SAMTOR: variants seen among roughly 807,000 people sequenced by gnomAD.
SAMTOR encodes the protein S-adenosylmethionine sensor upstream of mTORC1.
the SAMTOR span, chr7:112,939,366 C>G: frequency 1.6e-6 from 1 of 623,640 alleles, no homozygotes; most frequent in South Asian, 2.0e-5. Context: ...AATTCCTTTA[C>G]AGGCCTAGAA....
the SAMTOR span, among the ~76,000 whole-genome samples, chr7:112,910,254 T>C: frequency 6.6e-6 from 1 of 152,180 alleles, no homozygotes; most frequent in Non-Finnish European, 1.5e-5. Flanking sequence ...CCCGTTGTCC[T>C]AACTGTAATT....
At chr7:112,890,468 GA>G in the SAMTOR span, among the ~76,000 whole-genome samples, 1,615 of 151,820 alleles carry the variant, frequency 0.011, 31 homozygotes, top group African/African-American at 0.037. Context: ...GCTTGTAGGG[GA>G]AAAAAATCCA....
chr7:112,879,427 T>C, the SAMTOR span, among the ~76,000 whole-genome samples: 1 of 151,882 alleles, frequency 6.6e-6, no homozygotes, highest in Admixed American at 6.6e-5. Flanking sequence ...AAAAACAGGT[T>C]TTTATAGCAC....
the SAMTOR span, among the ~76,000 whole-genome samples, chr7:112,898,938 C>G: frequency 6.6e-6 from 1 of 152,174 alleles, no homozygotes; most frequent in Non-Finnish European, 1.5e-5. Flanking sequence ...TAGATAAACT[C>G]TGAATGCTTA....
the SAMTOR span, among the ~76,000 whole-genome samples, chr7:112,833,078 C>T: frequency 6.6e-6 from 1 of 152,090 alleles, no homozygotes; most frequent in African/African-American, 2.4e-5. Flanking sequence ...GCCTGGCTCC[C>T]CCACCCCCAA....
At chr7:112,884,381 C>T in the SAMTOR span, among the ~76,000 whole-genome samples, 1 of 152,174 alleles carries the variant, frequency 6.6e-6, no homozygotes, top group African/African-American at 2.4e-5. Flanking sequence ...TCCAAGGTCT[C>T]ATCTGAGACA....
the SAMTOR span, chr7:112,895,530 A>C: frequency 7.0e-7 from 1 of 1,420,144 alleles, no homozygotes. Context: ...ACATTAATAC[A>C]GTTATCCAGG....
At chr7:112,837,135 G>A in the SAMTOR span, among the ~76,000 whole-genome samples, 3 of 151,786 alleles carry the variant, frequency 2.0e-5, no homozygotes, top group Non-Finnish European at 4.4e-5. Context: ...TGCAATTCTT[G>A]TTGCAGAGAT....
chr7:112,934,333 G>A, the SAMTOR span, among the ~76,000 whole-genome samples: 1 of 152,132 alleles, frequency 6.6e-6, no homozygotes, highest in Non-Finnish European at 1.5e-5. Context: ...AACTTCCAAA[G>A]GATAGATTGC....
chr7:112,923,983 A>C, the SAMTOR span, among the ~76,000 whole-genome samples: 39 of 151,520 alleles, frequency 2.6e-4, no homozygotes, highest in African/African-American at 8.7e-4. Flanking sequence ...CATAGGTGGG[A>C]ATTGAATAAT....
At chr7:112,934,458 C>T in the SAMTOR span, among the ~76,000 whole-genome samples, 2 of 152,208 alleles carry the variant, frequency 1.3e-5, no homozygotes, top group Non-Finnish European at 2.9e-5. Flanking sequence ...TCTACATTTT[C>T]CCGGGAAAGA....
the SAMTOR span, among the ~76,000 whole-genome samples, chr7:112,863,593 AAAC>A: frequency 6.6e-6 from 1 of 152,340 alleles, no homozygotes; most frequent in East Asian, 1.9e-4. Flanking sequence ...ACAAGAAAAA[AAAC>A]AACTCCATTA....
At chr7:112,936,111 A>G in the SAMTOR span, among the ~76,000 whole-genome samples, 2 of 152,230 alleles carry the variant, frequency 1.3e-5, no homozygotes, top group African/African-American at 4.8e-5. Flanking sequence ...CAAAGACAGA[A>G]AACACCTATA....
the SAMTOR span, among the ~76,000 whole-genome samples, chr7:112,928,311 G>A: frequency 7.4e-3 from 1,124 of 151,938 alleles, 14 homozygotes; most frequent in African/African-American, 0.021. Flanking sequence ...CCTGCCATCT[G>A]GTACAGCATT....
chr7:112,895,419 A>T, the SAMTOR span: 1 of 513,472 alleles, frequency 1.9e-6, no homozygotes, highest in Non-Finnish European at 3.2e-6. Context: ...GCTAGTTTTT[A>T]ATCTAATAAT....
chr7:112,893,541 A>G, the SAMTOR span, among the ~76,000 whole-genome samples: 1 of 152,212 alleles, frequency 6.6e-6, no homozygotes, highest in Non-Finnish European at 1.5e-5. Context: ...GGTTGGTTTC[A>G]TCTTGTATCC....
the SAMTOR span, chr7:112,935,353 C>T: frequency 3.0e-6 from 1 of 338,300 alleles, no homozygotes; most frequent in Non-Finnish European, 5.8e-6. Context: ...TGGAAAAACA[C>T]CAACATCACA....
the SAMTOR span, among the ~76,000 whole-genome samples, chr7:112,837,979 C>G: frequency 6.6e-6 from 1 of 151,972 alleles, no homozygotes; most frequent in Non-Finnish European, 1.5e-5. Flanking sequence ...AGGCACAATA[C>G]AGCATTCTTG....
chr7:112,873,970 C>A, the SAMTOR span, among the ~76,000 whole-genome samples: 85 of 152,152 alleles, frequency 5.6e-4, no homozygotes, highest in African/African-American at 1.9e-3. Context: ...CGTCACTAAT[C>A]ATCAGAAATG....
Sources: allele counts gnomAD v4.1 joint callset (sites outside exome capture counted in the v4.1 genomes callset), GRCh38; gene constraint gnomAD v4.1.1; transcripts MANE v1.5; gene names NCBI Gene and HGNC (gene_info 2026-07-23, HGNC 2026-07-21).